MYT1: variants seen among roughly 807,000 people sequenced by gnomAD.
MYT1 encodes the protein myelin transcription factor I.
MYT1 carries 23 observed loss-of-function variants against 123.0 expected under a neutral mutation model. The observed-to-expected ratio is 0.19, with a 90% CI of 0.13 to 0.26. The LOEUF (loss-of-function observed/expected upper bound fraction) is 0.26. MYT1 is among the 10% of genes least tolerant of loss of function. The pLI, the probability that MYT1 is intolerant of heterozygous loss-of-function variation, is 1.00. For synonymous variants in MYT1, 518 were observed against 575.3 expected (o/e 0.90, Z 1.43); for missense variants, 1,125 against 1,472.5 (o/e 0.76, Z 3.86).
Position 64,218,783 on chromosome 20 carries a change from C to A in MYT1, c.1847-128C>A. The A allele has an allele frequency of 7.9e-7, 1 of 1,262,522 alleles. No individual in the cohort carries two copies. Among genetic ancestry groups the A allele is most frequent in the Non-Finnish European group, 1.1e-6 (1 of 880,460 alleles). The allele number at this position is 1,262,522 out of a possible 1,614,324, so 78.2% of individuals were successfully genotyped here. ...CCCCACTGACTTGTCTGCATTGCTGCCTCTTTTCAAGTTGTATATCAGCCT... is the reference window on the plus strand; with the variant it reads ...CCCCACTGACTTGTCTGCATTGCTGACTCTTTTCAAGTTGTATATCAGCCT... On this transcript the variant is annotated intron_variant, in intron 11 of 22. Transcript: ENST00000328439. This position sits in a 1 kb window ranked among gnomAD's most constrained non-coding sequence, Gnocchi z 4.0.
rs1444968151 is a variant in MYT1 at position 64,231,334 on chromosome 20, T to G, written c.2676-830T>G. On this transcript the variant is annotated intron_variant, in intron 18 of 22. Coordinates refer to ENST00000328439, the MANE Select transcript of MYT1 (RefSeq NM_004535.3). This position sits in a 1 kb window ranked among gnomAD's most constrained non-coding sequence, Gnocchi z 6.4. ...TGGTCCAGGTCCTTCCCTGAGGCAG[T>G]GGGGACAGACACTCAGAGAGGTCAT... Among the ~76,000 whole-genome samples the G allele has an allele frequency of 6.6e-6, 1 of 152,186 alleles. No individual in the cohort carries two copies. The highest frequency in any genetic ancestry group is 2.4e-5 in the African/African-American group (1 of 41,432).
intron 1 of MYT1, among the ~76,000 whole-genome samples, chr20:64,177,513 G>A (rs1050908904): frequency 2.6e-5 from 4 of 152,074 alleles, no homozygotes; most frequent in African/African-American, 9.7e-5. Context: ...TGGCCCCCCA[G>A]GGTGTGGAGA....
chr20:64,178,368 G>A (rs972857356), intron 1 of MYT1, among the ~76,000 whole-genome samples: 2 of 152,236 alleles, frequency 1.3e-5, no homozygotes, highest in African/African-American at 4.8e-5. Flanking sequence ...CCATTCAGGG[G>A]TGGGTTCAGA....
intron 1 of MYT1, among the ~76,000 whole-genome samples, chr20:64,187,268 C>T (rs1001475518): frequency 4.1e-5 from 6 of 144,648 alleles, no homozygotes; most frequent in South Asian, 4.5e-4. Flanking sequence ...CCTGTGGCCC[C>T]GGCATCCATG....
chr20:64,177,624 C>T (rs564647691), intron 1 of MYT1, among the ~76,000 whole-genome samples: 46 of 138,418 alleles, frequency 3.3e-4, no homozygotes, highest in South Asian at 1.4e-3. Flanking sequence ...CACCCCTCTC[C>T]GGGGGCGGGG....
chr20:64,236,075 T>C (rs141077796), intron 19 of MYT1, among the ~76,000 whole-genome samples: 5 of 61,900 alleles, frequency 8.1e-5, no homozygotes, highest in Admixed American at 4.4e-4. Flanking sequence ...GGGCTGGCCG[T>C]GGTGGGTGAC....
At chr20:64,228,966 A>T (rs1362755093) in intron 18 of MYT1, among the ~76,000 whole-genome samples, 1 of 152,148 alleles carries the variant, frequency 6.6e-6, no homozygotes, top group Non-Finnish European at 1.5e-5. Flanking sequence ...GCCAGACCTC[A>T]CGCCCGGGGA....
At position 64,219,736 on chromosome 20, in the gene MYT1, A is replaced by G. The variant is rs1290691054; in HGVS notation, c.1995A>G (p.Glu665=). The change falls in exon 13 of 23, where the codon GAA becomes GAG. Residue 665 remains glutamate, a synonymous_variant. Transcript: ENST00000328439. ...AGTCTGTGGATATCGAGGTAGACGA[A>G]AATGGAACCCTGGACTTGAGCATGC... ...PSKSVDIEVD[E]NGTLDLSMHK... 1 of 1,613,014 alleles carries G rather than the reference A, an allele frequency of 6.2e-7. No individual in the cohort carries two copies. The highest frequency in any genetic ancestry group is 8.5e-7 in the Non-Finnish European group (1 of 1,179,142).
intron 2 of MYT1, among the ~76,000 whole-genome samples, chr20:64,197,792 C>T (rs1336144843): frequency 1.3e-5 from 2 of 152,222 alleles, no homozygotes; most frequent in Admixed American, 6.5e-5. Flanking sequence ...CTGGGGGCTC[C>T]CCCATGACTC....
chr20:64,235,392 G>C (rs1485341354), intron 19 of MYT1, among the ~76,000 whole-genome samples: 9 of 139,820 alleles, frequency 6.4e-5, no homozygotes, highest in Non-Finnish European at 1.4e-4. Context: ...GGTGGTGGGT[G>C]ACCCTTGGCT....
At chr20:64,182,878 C>T (rs1286089101) in intron 1 of MYT1, among the ~76,000 whole-genome samples, 3 of 152,158 alleles carry the variant, frequency 2.0e-5, no homozygotes, top group Non-Finnish European at 4.4e-5. Context: ...TTAAAAACAG[C>T]GTTATTGGAA....
Position 64,232,107 on chromosome 20 carries a change from C to T in MYT1, c.2676-57C>T. On this transcript the variant is annotated intron_variant, in intron 18 of 22. Coordinates refer to ENST00000328439, the MANE Select transcript of MYT1 (RefSeq NM_004535.3). The surrounding 1 kb of genome is among the most constrained non-coding windows in gnomAD (Gnocchi z 6.9). ...CTTGTGTCTGGCTTGAGAGAGTCTC[C>T]AGGCTTCTCCTCCCAACCCTTCGCC... is the stretch of plus-strand genomic sequence containing the variant. 1 of 1,567,420 alleles carries T rather than the reference C, an allele frequency of 6.4e-7. No individual in the cohort carries two copies. Among genetic ancestry groups the T allele is most frequent in the Non-Finnish European group, 8.7e-7 (1 of 1,143,660 alleles).
At chr20:64,211,744 T>C (rs1276405663) in intron 8 of MYT1, among the ~76,000 whole-genome samples, 2 of 152,198 alleles carry the variant, frequency 1.3e-5, no homozygotes, top group African/African-American at 4.8e-5. Context: ...GAAAATTAAA[T>C]TTAAAGGAGC....
rs117220326 is a variant in MYT1 at position 64,235,858 on chromosome 20, G to T, written c.2898-697G>T. Among the ~76,000 whole-genome samples, 4 of 86,654 alleles carry T rather than the reference G, an allele frequency of 4.6e-5. No homozygotes were observed. In the South Asian group the frequency reaches 1.4e-3, roughly 30 times the overall value. The allele number at this position is 86,654 out of a possible 152,430, so 56.8% of individuals were successfully genotyped here. ...TGTGGTGGGTGACCCTGGGCTGGCC[G>T]TGGTGGGTGACGCTGGGATGGTCAT... is the stretch of plus-strand genomic sequence containing the variant. On this transcript the variant is annotated intron_variant, in intron 19 of 22. Transcript: ENST00000328439.
In MYT1 at chr20:64,213,425, G is replaced by T; in HGVS notation, c.1518-109G>T. 2 of 756,278 alleles carry T rather than the reference G, an allele frequency of 2.6e-6. No individual in the cohort carries two copies. Among genetic ancestry groups the T allele is most frequent in the Non-Finnish European group, 4.5e-6 (2 of 446,432 alleles). 46.8% of individuals were successfully genotyped at this position (756,278 alleles called of 1,614,324 possible). A position where few individuals can be genotyped will look rare whatever the true frequency, so the allele number is the denominator to read the frequency against. ...TGGGCTTCTCTGGAGTTCACCTGGA[G>T]TTCTCACATCTGAATGACCTTGCCG... On this transcript the variant is annotated intron_variant, in intron 9 of 22. Transcript: ENST00000328439. The surrounding 1 kb of genome is among the most constrained non-coding windows in gnomAD (Gnocchi z 5.6).
intron 11 of MYT1, among the ~76,000 whole-genome samples, chr20:64,217,509 T>A (rs964397695): frequency 1.3e-5 from 2 of 152,364 alleles, no homozygotes; most frequent in Admixed American, 1.3e-4. Flanking sequence ...ATGTTCACCA[T>A]TAACATTTAT....
chr20:64,227,804 C>A, intron 17 of MYT1, 84 bp from the exon 18 acceptor site: 2 of 951,616 alleles, frequency 2.1e-6, no homozygotes, highest in African/African-American at 1.6e-5. Context: ...GGTCACAGAG[C>A]TTGAGGGGAG....
At chr20:64,207,136 G>A (rs1019946651) in intron 6 of MYT1, among the ~76,000 whole-genome samples, 4 of 152,028 alleles carry the variant, frequency 2.6e-5, no homozygotes, top group African/African-American at 4.8e-5. Flanking sequence ...CGCCCGCCTC[G>A]GCCTCCCAAA....
rs1982085140 is a variant in MYT1 at position 64,166,421 on chromosome 20, G to A, written c.-99+1682G>A. Among the ~76,000 whole-genome samples the A allele has an allele frequency of 6.6e-6, 1 of 152,180 alleles. No individual in the cohort carries two copies. Among genetic ancestry groups the A allele is most frequent in the Admixed American group, 6.5e-5 (1 of 15,286 alleles). ...TTTGCCGAACTTCCCAGGGGTACTT[G>A]CTGATCCAGGAGCTTGAGCAGGAGC... On this transcript the variant is annotated intron_variant, in intron 1 of 22. Coordinates refer to ENST00000328439, the MANE Select transcript of MYT1 (RefSeq NM_004535.3). This position sits in a 1 kb window ranked among gnomAD's most constrained non-coding sequence, Gnocchi z 4.9.
Sources: allele counts gnomAD v4.1 joint callset (sites outside exome capture counted in the v4.1 genomes callset), GRCh38; gene constraint gnomAD v4.1.1; non-coding constraint Gnocchi (gnomAD v3.1); transcripts MANE v1.5; gene names NCBI Gene and HGNC (gene_info 2026-07-23, HGNC 2026-07-21).